Variants in LTN1 observed in about 807,000 individuals in gnomAD.
LTN1 encodes the protein E3 ubiquitin-protein ligase listerin.
Under a neutral mutation model 201.2 loss-of-function variants are expected in LTN1, and 88 were observed. The ratio of observed to expected loss-of-function variants is 0.44; its 90% confidence interval spans 0.37 to 0.52. The LOEUF (loss-of-function observed/expected upper bound fraction) is 0.52, where lower values mean the gene tolerates loss of function less well. LTN1 is among the 20% of genes least tolerant of loss of function. The probability of loss-of-function intolerance (pLI) is 0.00; values close to 1 mark genes in which losing one functional copy is unlikely to be tolerated. For synonymous variants in LTN1, 645 were observed against 713.5 expected (o/e 0.90, Z 1.53); for missense variants, 1,752 against 2,038.7 (o/e 0.86, Z 2.71).
chr21:28,952,322 T>G (rs2832145), intron 17 of LTN1, 58 bp from the exon 18 acceptor site: 254,756 of 1,006,666 alleles, frequency 0.25, 33,715 homozygotes, highest in South Asian at 0.28. Flanking sequence ...AATAAAATGT[T>G]TAAACACTGG....
chr21:28,970,650 T>C lies in LTN1; in HGVS notation c.1077A>G (p.Ile359Met), dbSNP rs373458923. Residue 359 changes from isoleucine to methionine, a missense_variant, in exon 8 of 30, where the codon ATA (isoleucine) becomes ATG (methionine). Ile to Met is a conservative substitution (Grantham distance 10). This residue lies in a region of LTN1 where 1,211 missense variants were observed against 1,312.8 expected (regional missense o/e 0.92). Transcript: ENST00000361371. ...REGGRGLATV[I>M]YPYLLPFISK... ...TGATGAATGGCAGAAGGTAAGGATA[T>C]ATGACAGTAGCTAGACCCCGACCAC... 39 of 1,613,760 alleles carry C rather than the reference T, an allele frequency of 2.4e-5. No homozygotes were observed. The highest frequency in any genetic ancestry group is 3.1e-5 in the Non-Finnish European group (37 of 1,179,794).
At chr21:28,992,671 A>G in intron 1 of LTN1, 93 bp downstream of exon 1, 1 of 1,442,132 alleles carries the variant, frequency 6.9e-7, no homozygotes, top group South Asian at 1.2e-5. Flanking sequence ...GCCTCCCTAC[A>G]GCCGCGCTCC....
At chr21:28,934,974 G>A in intron 27 of LTN1, 135 bp downstream of exon 27, 1 of 652,040 alleles carries the variant, frequency 1.5e-6, no homozygotes, top group Non-Finnish European at 2.7e-6. Context: ...TTGGGATTAA[G>A]GCATGAGCCA....
At chr21:28,959,257 G>C (rs1344533256) in intron 13 of LTN1, 1 of 518,832 alleles carries the variant, frequency 1.9e-6, no homozygotes, top group African/African-American at 1.9e-5. Flanking sequence ...AATATCAAGT[G>C]AGATCTTTAG....
At chr21:28,981,530 T>C (rs983843814) in intron 5 of LTN1, among the ~76,000 whole-genome samples, 2 of 152,122 alleles carry the variant, frequency 1.3e-5, no homozygotes, top group Non-Finnish European at 2.9e-5. Flanking sequence ...AGGCTTGCAA[T>C]AAGTGAGAAA....
intron 18 of LTN1, among the ~76,000 whole-genome samples, chr21:28,949,360 T>A (rs1476987069): frequency 6.6e-6 from 1 of 152,192 alleles, no homozygotes; most frequent in Non-Finnish European, 1.5e-5. Context: ...TTAACTGTCA[T>A]AAAATACACA....
At chr21:28,958,262 T>TG in intron 14 of LTN1, 124 bp downstream of exon 14, 1 of 870,778 alleles carries the variant, frequency 1.1e-6, no homozygotes, top group Non-Finnish European at 1.7e-6. Flanking sequence ...ACTGAGTAGC[T>TG]GGGATTATAG....
intron 6 of LTN1, among the ~76,000 whole-genome samples, chr21:28,978,037 G>T (rs2084630220): frequency 6.6e-6 from 1 of 151,782 alleles, no homozygotes; most frequent in East Asian, 1.9e-4. Context: ...CTGAATGTAT[G>T]ATTTTTTTTT....
chr21:28,959,405 T>G, intron 13 of LTN1, 53 bp downstream of exon 13: 6 of 1,575,184 alleles, frequency 3.8e-6, no homozygotes, highest in South Asian at 3.6e-5. Context: ...ACACTCACTA[T>G]GAAGGTCAGA....
Position 28,956,806 on chromosome 21 carries a change from A to T in LTN1, c.3035T>A (p.Leu1012Gln). Residue 1012 changes from leucine to glutamine, a missense_variant, in exon 16 of 30, where the codon CTG becomes CAG. Leu to Gln is a moderately radical substitution (Grantham distance 113). Coordinates refer to ENST00000361371, the MANE Select transcript of LTN1 (RefSeq NM_015565.3). The part of the protein sequence containing the change: ...ALLSKMVLIA[L>Q]RKETVLENNE... ...ATTTTCTAAGACTGTTTCCTTTCTC[A>T]GTGCAATTAAGACCATTTTGCTCAA... 1 of 1,609,328 alleles carries T rather than the reference A, an allele frequency of 6.2e-7. No individual in the cohort carries two copies.
Position 28,955,806 on chromosome 21 carries a change from C to T in LTN1, c.3079+956G>A, listed in dbSNP as rs1009474287. Among the ~76,000 whole-genome samples the T allele has an allele frequency of 4.0e-5, 6 of 151,066 alleles. No individual in the cohort carries two copies. The East Asian group carries it at 5.8e-4, about 15-fold the overall frequency. ...GGCATGGTGGTGTGCGCCTGTAGTC[C>T]CATCTACTTGGGAGGTTGAGGCAGG... On this transcript the variant is annotated intron_variant, in intron 16 of 29. Transcript: ENST00000361371.
At chr21:28,962,756 G>A (rs191409329) in intron 11 of LTN1, among the ~76,000 whole-genome samples, 1 of 152,352 alleles carries the variant, frequency 6.6e-6, no homozygotes, top group Non-Finnish European at 1.5e-5. Flanking sequence ...GCCAAGACAG[G>A]TGGAAAACTA....
chr21:28,970,633 G>A lies in LTN1; in HGVS notation c.1094C>T (p.Pro365Leu). The change falls in exon 8 of 30, where the codon CCA (proline) becomes CTA (leucine). Residue 365 changes from proline to leucine, a missense_variant. By Grantham distance (98) the Pro-to-Leu change is moderately conservative. Coordinates refer to ENST00000361371, the MANE Select transcript of LTN1 (RefSeq NM_015565.3). Reference sequence around the variant, plus strand: ...GGACTGAGGGAGCTTGCTGATGAATGGCAGAAGGTAAGGATATATGACAGT... The same window carrying A: ...GGACTGAGGGAGCTTGCTGATGAATAGCAGAAGGTAAGGATATATGACAGT... Reference protein sequence around the residue: ...LATVIYPYLLPFISKLPQSIT... With the variant: ...LATVIYPYLLLFISKLPQSIT... The A allele has an allele frequency of 1.2e-6, 2 of 1,613,810 alleles. No individual in the cohort carries two copies. Among genetic ancestry groups the A allele is most frequent in the Non-Finnish European group, 1.7e-6 (2 of 1,179,812 alleles).
At chr21:28,969,855 T>C (rs1413561329) in intron 8 of LTN1, among the ~76,000 whole-genome samples, 1 of 152,162 alleles carries the variant, frequency 6.6e-6, no homozygotes, top group Non-Finnish European at 1.5e-5. Flanking sequence ...TTTCTTTTTC[T>C]TCTTTTTTTT....
At position 28,941,288 on chromosome 21, in the gene LTN1, A is replaced by G; in HGVS notation, c.4414T>C (p.Cys1472Arg). The change falls in exon 25 of 30, where the codon TGT becomes CGT. Residue 1472 changes from cysteine (C) to arginine (R), a missense_variant. Cys to Arg is a radical substitution (Grantham distance 180). Coordinates refer to ENST00000361371, the MANE Select transcript of LTN1 (RefSeq NM_015565.3). The part of the protein sequence containing the change: ...VTIKPLSEDF[C>R]YVLGYLLTWK... ...GTGAGAAGGTATCCCAGAACATAAC[A>G]GAAGTCTTCACTCAGTGGTTTAATA... is the stretch of plus-strand genomic sequence containing the variant. 1 of 1,613,510 alleles carries G rather than the reference A, an allele frequency of 6.2e-7. No homozygotes were observed. Among genetic ancestry groups the G allele is most frequent in the Admixed American group, 1.7e-5 (1 of 59,964 alleles).
Position 28,956,818 on chromosome 21 carries a change from A to C in LTN1, c.3023T>G (p.Val1008Gly). Residue 1008 changes from valine (V) to glycine (G), a missense_variant, in exon 16 of 30, where the codon GTC (valine) becomes GGC (glycine). Val to Gly is a moderately radical substitution (Grantham distance 109). Around this residue, in one of 3 missense-constraint regions of LTN1, gnomAD observed 1,211 missense variants for 1,312.8 expected, o/e 0.92. Transcript: ENST00000361371. ...TGTTTCCTTTCTCAGTGCAATTAAG[A>C]CCATTTTGCTCAATAATGCTGAAGT... ...LCTSALLSKM[V>G]LIALRKETVL... 1 of 1,611,564 alleles carries C rather than the reference A, an allele frequency of 6.2e-7. No individual in the cohort carries two copies. Among genetic ancestry groups the C allele is most frequent in the Non-Finnish European group, 8.5e-7 (1 of 1,178,538 alleles).
At position 28,930,157 on chromosome 21, in the gene LTN1, G is replaced by A. The variant is rs557629616; in HGVS notation, c.*291C>T. On this transcript the variant is annotated 3_prime_UTR_variant, in exon 30 of 30. Transcript: ENST00000361371. ...CAAATTCCAATTCTGTAATTTAGGG[G>A]TTTTTCATATTTATTTTTAAATATA... 38 of 248,204 alleles carry A rather than the reference G, an allele frequency of 1.5e-4. No homozygotes were observed. The highest frequency in any genetic ancestry group is 7.4e-4 in the African/African-American group (33 of 44,674). 15.4% of individuals were successfully genotyped at this position (248,204 alleles called of 1,614,324 possible).
In LTN1 at chr21:28,958,441, A is replaced by G. The variant is rs2084444814; in HGVS notation, c.2692T>C (p.Leu898=). The G allele has an allele frequency of 1.2e-6, 2 of 1,612,164 alleles. No individual in the cohort carries two copies. The highest frequency in any genetic ancestry group is 1.7e-6 in the Non-Finnish European group (2 of 1,179,260). The change falls in exon 14 of 30, where the codon TTG becomes CTG. Residue 898 remains leucine, a synonymous_variant. Coordinates refer to ENST00000361371, the MANE Select transcript of LTN1 (RefSeq NM_015565.3). ...SSYKESTFLH[L]SALWLKNQVQ... ...TGGTTCTTCAGCCACAGAGCAGACA[A>G]ATGTAGGAAGGTACTCTCTTTATAT... is the stretch of plus-strand genomic sequence containing the variant.
At chr21:28,935,456 A>C (rs563393046) in intron 26 of LTN1, 127 bp from the exon 27 acceptor site, 2 of 634,462 alleles carry the variant, frequency 3.2e-6, no homozygotes, top group African/African-American at 1.8e-5. Flanking sequence ...TCATAAAAAC[A>C]AACATACCAG....
Sources: allele counts gnomAD v4.1 joint callset (sites outside exome capture counted in the v4.1 genomes callset), GRCh38; gene constraint gnomAD v4.1.1; regional missense constraint gnomAD v4.1.1; transcripts MANE v1.5; gene names NCBI Gene and HGNC (gene_info 2026-07-23, HGNC 2026-07-21).